The following GNAQ variants were observed in gnomAD, a reference collection of about 807,000 sequenced individuals.
The protein encoded by GNAQ is G protein subunit alpha q, also known as guanine nucleotide-binding protein G(q) subunit alpha.
Under a neutral mutation model 43.9 loss-of-function variants are expected in GNAQ, and 8 were observed. The observed-to-expected ratio is 0.18, with a 90% CI of 0.11 to 0.33. GNAQ has a LOEUF of 0.33. Ranked by LOEUF, GNAQ falls within the 10% of genes least tolerant of loss-of-function variation. The pLI is 1.00. For missense variants in GNAQ, 158 were observed against 450.8 expected (o/e 0.35, Z 5.88); for synonymous variants, 155 against 170.7 (o/e 0.91, Z 0.71).
At chr9:78,013,794 GT>G (rs1435411037) in intron 1 of GNAQ, among the ~76,000 whole-genome samples, 3 of 152,090 alleles carry the variant, frequency 2.0e-5, no homozygotes. Flanking sequence ...GCTTCTGTTT[GT>G]TTTTGTAAAT....
chr9:77,775,411 T>C (rs539770976), intron 5 of GNAQ, among the ~76,000 whole-genome samples: 34 of 142,002 alleles, frequency 2.4e-4, no homozygotes, highest in African/African-American at 6.1e-4. Context: ...TCATCTCTCT[T>C]TTTTTTTTTT....
intron 5 of GNAQ, among the ~76,000 whole-genome samples, chr9:77,769,664 C>CTTT (rs539379703): frequency 4.3e-4 from 55 of 129,112 alleles, no homozygotes; most frequent in Non-Finnish European, 7.2e-4. Context: ...GACAAGAACT[C>CTTT]TTTTTTTTTT....
At chr9:77,945,741 T>G (rs546720769) in intron 1 of GNAQ, among the ~76,000 whole-genome samples, 1 of 152,294 alleles carries the variant, frequency 6.6e-6, no homozygotes, top group East Asian at 1.9e-4. Flanking sequence ...TATAGGAGCA[T>G]TAAGACCTAT....
At chr9:77,863,871 A>C (rs1166326266) in intron 2 of GNAQ, among the ~76,000 whole-genome samples, 1 of 152,186 alleles carries the variant, frequency 6.6e-6, no homozygotes, top group Non-Finnish European at 1.5e-5. Flanking sequence ...GATCACGAGA[A>C]TAGCAAGGGA....
intron 1 of GNAQ, among the ~76,000 whole-genome samples, chr9:78,029,944 G>C (rs1824029032): frequency 6.6e-6 from 1 of 152,182 alleles, no homozygotes; most frequent in Non-Finnish European, 1.5e-5. Context: ...TCAGGGTTCT[G>C]TCACTGTGGC....
At chr9:77,852,993 G>A (rs1454118100) in intron 2 of GNAQ, among the ~76,000 whole-genome samples, 2 of 152,092 alleles carry the variant, frequency 1.3e-5, no homozygotes, top group African/African-American at 4.8e-5. Flanking sequence ...CTTCAAGAAC[G>A]TCCAGATGGA....
chr9:77,741,983 T>A (rs1825659696), intron 5 of GNAQ, among the ~76,000 whole-genome samples: 2 of 152,212 alleles, frequency 1.3e-5, no homozygotes, highest in Non-Finnish European at 2.9e-5. Context: ...TCCTGTTACA[T>A]ATTGTATATA....
chr9:77,975,054 T>G (rs1356846427), intron 1 of GNAQ, among the ~76,000 whole-genome samples: 2 of 152,200 alleles, frequency 1.3e-5, no homozygotes, highest in African/African-American at 2.4e-5. Flanking sequence ...TGGTGCTCCC[T>G]GTCTTGTATT....
At chr9:77,894,511 C>T (rs1430229085) in intron 2 of GNAQ, among the ~76,000 whole-genome samples, 1 of 149,958 alleles carries the variant, frequency 6.7e-6, no homozygotes, top group Non-Finnish European at 1.5e-5. Flanking sequence ...CAACCTCTGC[C>T]TCCCAGGTTC....
intron 1 of GNAQ, among the ~76,000 whole-genome samples, chr9:78,030,887 C>CTGTGTGTGTGTG (rs35071779): frequency 1.4e-3 from 203 of 146,152 alleles, no homozygotes; most frequent in African/African-American, 4.2e-3. Context: ...GTGTGTGTCG[C>CTGTGTGTGTGTG]TGTGTGTGTG....
intron 2 of GNAQ, among the ~76,000 whole-genome samples, chr9:77,885,504 C>A (rs1828287738): frequency 1.3e-5 from 2 of 152,300 alleles, no homozygotes; most frequent in African/African-American, 4.8e-5. Context: ...GTTAACTGTG[C>A]TTTAGCAACT....
At chr9:77,999,530 C>T (rs1823618030) in intron 1 of GNAQ, among the ~76,000 whole-genome samples, 1 of 152,058 alleles carries the variant, frequency 6.6e-6, no homozygotes, top group South Asian at 2.1e-4. Context: ...TACATAATGC[C>T]GATCTGCACA....
At chr9:77,935,520 G>C (rs1003996724) in intron 1 of GNAQ, among the ~76,000 whole-genome samples, 2 of 152,140 alleles carry the variant, frequency 1.3e-5, no homozygotes, top group African/African-American at 4.8e-5. Flanking sequence ...CCTTGGTAGC[G>C]AATGCTCAGA....
At chr9:77,894,795 G>C (rs1473225934) in intron 2 of GNAQ, among the ~76,000 whole-genome samples, 1 of 139,702 alleles carries the variant, frequency 7.2e-6, no homozygotes, top group Non-Finnish European at 1.6e-5. Context: ...CATTGATCAA[G>C]AGCATTATTT....
intron 2 of GNAQ, among the ~76,000 whole-genome samples, chr9:77,848,345 C>T (rs1448510272): frequency 6.6e-6 from 1 of 152,234 alleles, no homozygotes; most frequent in Non-Finnish European, 1.5e-5. Context: ...GCAATTTCCA[C>T]TTCACAAGCA....
intron 1 of GNAQ, among the ~76,000 whole-genome samples, chr9:78,000,578 G>A (rs1232615959): frequency 6.6e-6 from 1 of 152,140 alleles, no homozygotes; most frequent in South Asian, 2.1e-4. Context: ...AAATTATAAT[G>A]TGTCACCTTG....
chr9:77,775,559 G>T (rs577950698), intron 5 of GNAQ, among the ~76,000 whole-genome samples: 1 of 151,840 alleles, frequency 6.6e-6, no homozygotes, highest in Non-Finnish European at 1.5e-5. Context: ...ATAGGCGCCC[G>T]CCACCACGCC....
chr9:78,020,708 CAA>C (rs1823898216), intron 1 of GNAQ, among the ~76,000 whole-genome samples: 1 of 152,176 alleles, frequency 6.6e-6, no homozygotes, highest in African/African-American at 2.4e-5. Context: ...AGCAAAGACA[CAA>C]TGGCGCTACC....
intron 1 of GNAQ, among the ~76,000 whole-genome samples, chr9:78,013,249 A>G (rs1823795359): frequency 6.6e-6 from 1 of 152,090 alleles, no homozygotes; most frequent in Non-Finnish European, 1.5e-5. Context: ...ATAACCATCA[A>G]TAAATCCTAG....
Sources: allele counts gnomAD v4.1 joint callset (sites outside exome capture counted in the v4.1 genomes callset), GRCh38; gene constraint gnomAD v4.1.1; transcripts MANE v1.5; gene names NCBI Gene and HGNC (gene_info 2026-07-23, HGNC 2026-07-21).